Variants in OSBPL1A observed in about 807,000 individuals in gnomAD.
The protein encoded by OSBPL1A is oxysterol-binding protein-related protein 1.
In OSBPL1A, 80 loss-of-function variants were observed where a neutral mutation model predicts 137.1. The ratio of observed to expected loss-of-function variants is 0.58; its 90% CI spans 0.49 to 0.70. The LOEUF (loss-of-function observed/expected upper bound fraction) is 0.70. Among genes scored for constraint, OSBPL1A ranks in the 30% least tolerant of loss-of-function variants. The pLI is 0.00. For synonymous variants in OSBPL1A, 365 were observed against 389.7 expected, an observed-to-expected ratio of 0.94 and a Z score of 0.75; for missense variants, 970 against 1,129.4, an observed-to-expected ratio of 0.86 and a Z score of 2.02.
At chr18:24,171,947 T>TTC (rs1345862627) in intron 22 of OSBPL1A, among the ~76,000 whole-genome samples, 1 of 151,616 alleles carries the variant, frequency 6.6e-6, no homozygotes, top group Non-Finnish European at 1.5e-5. Flanking sequence ...CTGATCCTTT[T>TTC]TTTTTTTTTT....
chr18:24,298,965 C>A (rs932716484), intron 14 of OSBPL1A, among the ~76,000 whole-genome samples: 1 of 152,108 alleles, frequency 6.6e-6, no homozygotes, highest in Non-Finnish European at 1.5e-5. Context: ...TTGGATTGAT[C>A]CTTTTACCAT....
chr18:24,351,347 CAA>C (rs1172514692), intron 4 of OSBPL1A, among the ~76,000 whole-genome samples: 115 of 35,762 alleles, frequency 3.2e-3, no homozygotes, highest in African/African-American at 8.6e-3. Context: ...GACTCTGTCT[CAA>C]AAAAAAAAAA....
In OSBPL1A at chr18:24,328,524, G is replaced by A. The variant is rs75352775; in HGVS notation, c.625+4418C>T. ...CCTGTATCTGTCTTAGGGACACAGG[G>A]AAAGGCTCTCTGGGGAAGCAGAGTT... On this transcript the variant is annotated intron_variant, in intron 7 of 27. Coordinates refer to ENST00000319481, the MANE Select transcript of OSBPL1A (RefSeq NM_080597.4). Among the ~76,000 whole-genome samples the A allele has an allele frequency of 8.1e-3, 1,229 of 152,222 alleles. 18 individuals carry two copies. Among genetic ancestry groups the A allele is most frequent in the African/African-American group, 0.028 (1,174 of 41,524 alleles).
rs144698462 is a variant in OSBPL1A, at chr18:24,202,903, G to A, written c.1602-6703C>T. ...CACACATAATTAAAACAATCTTCTC[G>A]GGCATATGCCAAATGGTAGTAAATA... is the stretch of plus-strand genomic sequence containing the variant. On this transcript the variant is annotated intron_variant, in intron 17 of 27. Coordinates refer to ENST00000319481, the MANE Select transcript of OSBPL1A (RefSeq NM_080597.4). Among the ~76,000 whole-genome samples, 388 of 152,242 alleles carry A rather than the reference G, an allele frequency of 2.5e-3. 1 individual carries two copies. The highest frequency in any genetic ancestry group is 9.1e-3 in the African/African-American group (376 of 41,536).
chr18:24,273,571 A>G (rs1257940159), intron 15 of OSBPL1A, among the ~76,000 whole-genome samples: 1 of 152,216 alleles, frequency 6.6e-6, no homozygotes, highest in Non-Finnish European at 1.5e-5. Flanking sequence ...TTAGATCCAG[A>G]TTGGTCTGAT....
intron 5 of OSBPL1A, among the ~76,000 whole-genome samples, chr18:24,336,847 A>G (rs1019690040): frequency 3.3e-5 from 5 of 152,214 alleles, no homozygotes; most frequent in Non-Finnish European, 5.9e-5. Context: ...TGCAACCACT[A>G]GAGTAATCAA....
chr18:24,269,793 C>T (rs1467777903), intron 15 of OSBPL1A, among the ~76,000 whole-genome samples: 1 of 147,916 alleles, frequency 6.8e-6, no homozygotes, highest in Non-Finnish European at 1.5e-5. Context: ...TTGGTACCAT[C>T]GTGAGATACA....
At chr18:24,203,073 G>C (rs1420415564) in intron 17 of OSBPL1A, among the ~76,000 whole-genome samples, 1 of 152,196 alleles carries the variant, frequency 6.6e-6, no homozygotes, top group African/African-American at 2.4e-5. Context: ...CACCTCCTGG[G>C]TTCAAGCGAT....
In OSBPL1A at chr18:24,177,504, G is replaced by A. The variant is rs375804762; in HGVS notation, c.2093+509C>T. Among the ~76,000 whole-genome samples, 8 of 152,066 alleles carry A rather than the reference G, an allele frequency of 5.3e-5. No individual in the cohort carries two copies. In the East Asian group the frequency reaches 7.7e-4, roughly 15 times the overall value. On this transcript the variant is annotated intron_variant, in intron 21 of 27. Coordinates refer to ENST00000319481, the MANE Select transcript of OSBPL1A (RefSeq NM_080597.4). The stretch of plus-strand genomic sequence containing the variant: ...TGGGTTGTTGCTTTGTCTTCTGTCC[G>A]GGGTATCTAGTTGTAATCAGTGTTA...
chr18:24,221,518 C>G (rs2087889996), intron 17 of OSBPL1A, among the ~76,000 whole-genome samples: 2 of 152,204 alleles, frequency 1.3e-5, no homozygotes, highest in Admixed American at 1.3e-4. Flanking sequence ...ATAAAAAATC[C>G]TTCCCTATCT....
chr18:24,350,468 G>A (rs993271520), intron 4 of OSBPL1A, among the ~76,000 whole-genome samples: 3 of 152,106 alleles, frequency 2.0e-5, no homozygotes, highest in East Asian at 1.9e-4. Context: ...TAGGGGTGGG[G>A]GTAGGTAGAG....
chr18:24,211,090 C>T (rs892170860), intron 17 of OSBPL1A, among the ~76,000 whole-genome samples: 2 of 152,148 alleles, frequency 1.3e-5, no homozygotes, highest in Admixed American at 6.5e-5. Context: ...CTCAGCCTCC[C>T]GAATAGTTAG....
At chr18:24,235,106 A>G (rs1375007485) in intron 16 of OSBPL1A, among the ~76,000 whole-genome samples, 2 of 152,166 alleles carry the variant, frequency 1.3e-5, no homozygotes, top group Non-Finnish European at 2.9e-5. Flanking sequence ...ATGAGAAACC[A>G]CTGAAAAATT....
chr18:24,197,830 G>A (rs1052303222), intron 17 of OSBPL1A, among the ~76,000 whole-genome samples: 20 of 137,316 alleles, frequency 1.5e-4, no homozygotes, highest in East Asian at 2.1e-4. Context: ...TCTTGTTGCC[G>A]AGGCTGGAGT....
rs2089721778 is a variant in OSBPL1A, at chr18:24,271,685, C to G, written c.1281+9157G>C. 1.0e-6 allele frequency: 1 copy of G among 985,772 alleles called. No homozygotes were observed. The highest frequency in any genetic ancestry group is 4.7e-5 in the South Asian group (1 of 21,300). The allele number at this position is 985,772 out of a possible 1,614,324, so 61.1% of individuals were successfully genotyped here. ...CCTGCGCTCCTCGCAAGCTCCAGCG[C>G]GAATGCGCTCGGCCTGCTCCTCCTC... On this transcript the variant is annotated intron_variant, in intron 15 of 27. Transcript: ENST00000319481. This position sits in a 1 kb window ranked among gnomAD's most constrained non-coding sequence, Gnocchi z 4.0.
At chr18:24,227,510 A>T (rs983853760) in intron 16 of OSBPL1A, among the ~76,000 whole-genome samples, 1 of 152,224 alleles carries the variant, frequency 6.6e-6, no homozygotes, top group Non-Finnish European at 1.5e-5. Flanking sequence ...AGGTAAACAG[A>T]TGTCTGAAAA....
intron 7 of OSBPL1A, among the ~76,000 whole-genome samples, chr18:24,322,399 G>A (rs1279719020): frequency 6.6e-6 from 1 of 152,018 alleles, no homozygotes; most frequent in African/African-American, 2.4e-5. Flanking sequence ...GGGATTACAG[G>A]TGTGAGCCAC....
intron 16 of OSBPL1A, among the ~76,000 whole-genome samples, chr18:24,226,623 C>T (rs1337915631): frequency 6.6e-6 from 1 of 152,172 alleles, no homozygotes; most frequent in Non-Finnish European, 1.5e-5. Context: ...TCTTTTTCCA[C>T]TACTGCATTA....
chr18:24,238,876 C>A (rs1252467272), intron 16 of OSBPL1A, among the ~76,000 whole-genome samples: 1 of 152,228 alleles, frequency 6.6e-6, no homozygotes, highest in African/African-American at 2.4e-5. Context: ...AACTGTCTGT[C>A]TGTCTCTCCT....
Sources: gnomAD v4.1 joint callset for allele counts (sites outside exome capture counted in the v4.1 genomes callset) on GRCh38, gnomAD v4.1.1 for gene constraint, Gnocchi (gnomAD v3.1) non-coding constraint, MANE v1.5 for transcripts, NCBI Gene and HGNC (gene_info 2026-07-23, HGNC 2026-07-21) for gene names.